ACACA: variants seen among roughly 807,000 people sequenced by gnomAD.
ACACA encodes acetyl-CoA carboxylase alpha.
Under a neutral mutation model 296.1 loss-of-function variants are expected in ACACA, and 103 were observed. That is an observed-to-expected ratio of 0.35 (90% CI 0.30 to 0.41). The LOEUF (loss-of-function observed/expected upper bound fraction) is 0.41, where lower values mean the gene tolerates loss of function less well. Among genes scored for constraint, ACACA ranks in the 10% least tolerant of loss-of-function variants. ACACA has a pLI of 1.00. For synonymous variants in ACACA, 953 were observed against 1,038.6 expected, an observed-to-expected ratio of 0.92 and a Z score of 1.58; for missense variants, 1,554 against 2,989.7, an observed-to-expected ratio of 0.52 and a Z score of 11.20.
At chr17:37,088,607 G>T in intron 55 of ACACA, among the ~76,000 whole-genome samples, 1 of 152,240 alleles carries the variant, frequency 6.6e-6, no homozygotes, top group African/African-American at 2.4e-5. Context: ...GTGAGGAGGT[G>T]GTTTCCCAGG....
chr17:37,380,753 A>G (rs1022628657), intron 1 of ACACA, among the ~76,000 whole-genome samples: 1 of 152,038 alleles, frequency 6.6e-6, no homozygotes, highest in Non-Finnish European at 1.5e-5. Flanking sequence ...GTCTGCCACC[A>G]TGGCTGGCTA....
intron 3 of ACACA, among the ~76,000 whole-genome samples, chr17:37,312,260 G>A (rs572989895): frequency 6.6e-6 from 1 of 152,246 alleles, no homozygotes; most frequent in East Asian, 1.9e-4. Flanking sequence ...TTAGGAAACA[G>A]GCAATTGTCT....
At chr17:37,259,579 G>T (rs1185332910) in intron 11 of ACACA, 49 bp from the exon 12 acceptor site, 3 of 1,601,118 alleles carry the variant, frequency 1.9e-6, no homozygotes, top group African/African-American at 2.7e-5. Context: ...TTATCCAACT[G>T]CTAGACCACT....
intron 3 of ACACA, among the ~76,000 whole-genome samples, chr17:37,306,853 C>T (rs966954240): frequency 6.6e-6 from 1 of 151,908 alleles, no homozygotes; most frequent in Admixed American, 6.6e-5. Context: ...CACCACCACA[C>T]CCAGGTAATT....
rs780906498 is a variant in ACACA, at chr17:37,242,008, A to C, written c.2977T>G (p.Ser993Ala). ...DSHAATLNRK[S>A]EREVFFMNTQ... ...TTCATAAAGAAGACTTCCCGTTCAG[A>C]TTTCCGGTTCAATGTAGCTGCATGG... The change falls in exon 23 of 56, where the codon TCT becomes GCT. Residue 993 changes from serine (S) to alanine (A), a missense_variant. By Grantham distance (99) the Ser-to-Ala change is moderately conservative. Around this residue, in one of 16 missense-constraint regions of ACACA, gnomAD observed 316 missense variants for 540.9 expected, o/e 0.58. Coordinates refer to ENST00000616317, the MANE Select transcript of ACACA (RefSeq NM_198834.3). 5 of 1,613,952 alleles carry C rather than the reference A, an allele frequency of 3.1e-6. No homozygotes were observed. Among genetic ancestry groups the C allele is most frequent in the Non-Finnish European group, 4.2e-6 (5 of 1,179,964 alleles).
Position 37,192,244 on chromosome 17 carries a change from T to C in ACACA, c.4262A>G (p.Asn1421Ser), listed in dbSNP as rs1350580758. ...AGTGAGGTCAAAATTTCTCATCCGG[T>C]TCAGCTCTAACTGGAAAGCCAGAGC... ...EPALAFQLEL[N>S]RMRNFDLTAI... The change falls in exon 37 of 56, where the codon AAC becomes AGC. Residue 1421 changes from asparagine (N) to serine (S), a missense_variant. Coordinates refer to ENST00000616317, the MANE Select transcript of ACACA (RefSeq NM_198834.3). 7 of 1,613,932 alleles carry C rather than the reference T, an allele frequency of 4.3e-6. No individual in the cohort carries two copies. Among genetic ancestry groups the C allele is most frequent in the Non-Finnish European group, 5.9e-6 (7 of 1,180,006 alleles).
At chr17:37,390,129 TA>T (rs67386580) in intron 1 of ACACA, among the ~76,000 whole-genome samples, 8,829 of 47,164 alleles carry the variant, frequency 0.19, 968 homozygotes, top group Admixed American at 0.24. Flanking sequence ...CTGTCTCTAT[TA>T]AAAAAAAAAG....
At chr17:37,320,910 G>A (rs9889428) in intron 3 of ACACA, among the ~76,000 whole-genome samples, 30,934 of 150,588 alleles carry the variant, frequency 0.21, 3,429 homozygotes, top group Admixed American at 0.34. Flanking sequence ...TCACGCCATC[G>A]CACTCCAGCC....
chr17:37,357,010 A>C (rs772956158), intron 1 of ACACA, among the ~76,000 whole-genome samples: 1 of 152,206 alleles, frequency 6.6e-6, no homozygotes, highest in African/African-American at 2.4e-5. Context: ...TGTTCACAGC[A>C]CTTTAGAGAG....
chr17:37,373,606 A>G (rs2049886913), intron 1 of ACACA, among the ~76,000 whole-genome samples: 1 of 152,192 alleles, frequency 6.6e-6, no homozygotes, highest in Non-Finnish European at 1.5e-5. Flanking sequence ...GAGGTGATCA[A>G]AGAAAACTCT....
At chr17:37,109,460 G>A (rs967727875) in intron 52 of ACACA, among the ~76,000 whole-genome samples, 3 of 152,190 alleles carry the variant, frequency 2.0e-5, no homozygotes, top group East Asian at 3.8e-4. Context: ...TACAAGACTC[G>A]TAGTTCGTTA....
intron 1 of ACACA, chr17:37,388,677 T>A (rs967106722): frequency 1.2e-5 from 19 of 1,611,614 alleles, no homozygotes; most frequent in Non-Finnish European, 1.5e-5. Context: ...TAGACACAGA[T>A]GAGAACCTAG....
intron 39 of ACACA, among the ~76,000 whole-genome samples, chr17:37,185,327 G>A (rs2144965361): frequency 6.6e-6 from 1 of 151,692 alleles, no homozygotes; most frequent in East Asian, 1.9e-4. Flanking sequence ...CAAACTCCGG[G>A]GCCCAAGTGA....
chr17:37,166,312 T>C (rs1041261496), intron 41 of ACACA, among the ~76,000 whole-genome samples: 11 of 151,206 alleles, frequency 7.3e-5, no homozygotes, highest in African/African-American at 2.4e-4. Context: ...TAATTTTTTT[T>C]ATTTTTTGTA....
intron 39 of ACACA, among the ~76,000 whole-genome samples, chr17:37,185,402 CTTTTTTT>C (rs67821579): frequency 9.7e-4 from 47 of 48,438 alleles, no homozygotes; most frequent in Admixed American, 4.9e-3. Flanking sequence ...CTGGCTATTT[CTTTTTTT>C]TTTTTTTTTT....
chr17:37,143,866 T>A, intron 45 of ACACA: 1 of 1,546,160 alleles, frequency 6.5e-7, no homozygotes, highest in Admixed American at 1.7e-5. Flanking sequence ...CTTCTTTTCA[T>A]AAGGCTGCTT....
intron 44 of ACACA, among the ~76,000 whole-genome samples, 157 bp downstream of exon 44, chr17:37,151,144 C>A (rs2076022463): frequency 6.6e-6 from 1 of 152,118 alleles, no homozygotes; most frequent in Non-Finnish European, 1.5e-5. Context: ...TTATATTATC[C>A]TATCTTCCTA....
intron 50 of ACACA, among the ~76,000 whole-genome samples, chr17:37,116,358 A>G (rs2074253800): frequency 6.6e-6 from 1 of 152,194 alleles, no homozygotes; most frequent in South Asian, 2.1e-4. Context: ...AACATCTAAT[A>G]TGATGAGTAA....
At chr17:37,099,571 TGGCG>T (rs2073220921) in intron 52 of ACACA, among the ~76,000 whole-genome samples, 2 of 90,306 alleles carry the variant, frequency 2.2e-5, no homozygotes, top group Admixed American at 1.3e-4. Context: ...GGAGGGCTGA[TGGCG>T]GGAGGGCTGA....
Sources: allele counts gnomAD v4.1 joint callset (sites outside exome capture counted in the v4.1 genomes callset), GRCh38; gene constraint gnomAD v4.1.1; regional missense constraint gnomAD v4.1.1; transcripts MANE v1.5; gene names NCBI Gene and HGNC (gene_info 2026-07-23, HGNC 2026-07-21).